Variants in DNM3 observed in about 807,000 individuals in gnomAD.
DNM3 encodes dynamin-3.
DNM3 carries 47 observed loss-of-function variants against 101.6 expected under a neutral mutation model. That is an observed-to-expected ratio of 0.46 (90% CI 0.37 to 0.59). The LOEUF is 0.59. Among genes scored for constraint, DNM3 ranks in the 20% least tolerant of loss-of-function variants. DNM3 has a pLI of 0.00. For missense variants in DNM3, 849 were observed against 1,085.7 expected (o/e 0.78, Z 3.06); for synonymous variants, 385 against 387.9 (o/e 0.99, Z 0.09).
intron 1 of DNM3, among the ~76,000 whole-genome samples, chr1:171,913,920 C>G (rs2039503665): frequency 6.6e-6 from 1 of 151,836 alleles, no homozygotes; most frequent in Non-Finnish European, 1.5e-5. Context: ...TCCCGAGTAG[C>G]TGGGACTACA....
At chr1:172,157,736 T>C (rs950516756) in intron 14 of DNM3, among the ~76,000 whole-genome samples, 1 of 152,112 alleles carries the variant, frequency 6.6e-6, no homozygotes, top group African/African-American at 2.4e-5. Flanking sequence ...ACTTACAATC[T>C]TTAAATAAGA....
Position 171,841,812 on chromosome 1 carries a change from G to T in DNM3, c.156G>T (p.Val52=). Residue 52 remains valine, a synonymous_variant, in exon 1 of 21, where the codon GTG becomes GTT. Transcript: ENST00000627582. ...AGAGCTCGGTGCTCGAGAACTTCGT[G>T]GGCAGGTAAGCGCGCAGGGCGCGGA... ...AGKSSVLENF[V]GRDFLPRGSG... is the part of the protein sequence containing the mutation. The T allele has an allele frequency of 6.2e-7, 1 of 1,608,072 alleles. No homozygotes were observed. The highest frequency in any genetic ancestry group is 8.5e-7 in the Non-Finnish European group (1 of 1,178,722).
chr1:171,935,467 A>G (rs2041335323), intron 2 of DNM3, among the ~76,000 whole-genome samples: 1 of 152,192 alleles, frequency 6.6e-6, no homozygotes, highest in Non-Finnish European at 1.5e-5. Flanking sequence ...TCAGAGAGGG[A>G]CATTTCTGAA....
chr1:172,156,389 G>A (rs1257010975), intron 14 of DNM3, among the ~76,000 whole-genome samples: 1 of 152,112 alleles, frequency 6.6e-6, no homozygotes, highest in African/African-American at 2.4e-5. Flanking sequence ...CTAACAGACT[G>A]TGGACTTACT....
At chr1:172,243,577 C>T (rs1275568760) in intron 14 of DNM3, among the ~76,000 whole-genome samples, 1 of 152,120 alleles carries the variant, frequency 6.6e-6, no homozygotes, top group Non-Finnish European at 1.5e-5. Flanking sequence ...GTGTGTAGCT[C>T]CCTTTCAGGA....
At chr1:172,193,734 A>G (rs538861948) in intron 14 of DNM3, among the ~76,000 whole-genome samples, 25 of 152,052 alleles carry the variant, frequency 1.6e-4, no homozygotes, top group South Asian at 4.2e-4. Context: ...TGTTGCATCT[A>G]TTTGATTCTT....
intron 4 of DNM3, among the ~76,000 whole-genome samples, chr1:172,025,000 C>A (rs2048099388): frequency 6.6e-6 from 1 of 152,208 alleles, no homozygotes. Context: ...GCCAGGTGGT[C>A]TAGCTCAGCG....
At chr1:172,165,580 C>G (rs2058715582) in intron 14 of DNM3, among the ~76,000 whole-genome samples, 1 of 151,976 alleles carries the variant, frequency 6.6e-6, no homozygotes, top group Middle Eastern at 3.2e-3. Context: ...AAACTGGGCT[C>G]CTCCCTGACC....
At chr1:172,379,497 A>G (rs1352976189) in intron 18 of DNM3, among the ~76,000 whole-genome samples, 1 of 152,084 alleles carries the variant, frequency 6.6e-6, no homozygotes, top group East Asian at 1.9e-4. Flanking sequence ...AAAACCAGCA[A>G]AGAAACCAGA....
intron 2 of DNM3, among the ~76,000 whole-genome samples, chr1:171,954,264 A>C (rs2042715606): frequency 6.6e-6 from 1 of 152,160 alleles, no homozygotes; most frequent in African/African-American, 2.4e-5. Flanking sequence ...TCTTTTGCTA[A>C]ATTTGACTGA....
chr1:172,362,560 T>C (rs2067796561), intron 17 of DNM3, among the ~76,000 whole-genome samples: 1 of 151,988 alleles, frequency 6.6e-6, no homozygotes, highest in South Asian at 2.1e-4. Flanking sequence ...GTGTCTTTAG[T>C]CTTTTGCCTT....
chr1:171,876,261 T>C (rs1035317078), intron 1 of DNM3, among the ~76,000 whole-genome samples: 1 of 152,154 alleles, frequency 6.6e-6, no homozygotes, highest in Non-Finnish European at 1.5e-5. Context: ...CTGATAACCA[T>C]TGAAGTGGAA....
At chr1:172,107,681 A>G (rs1432544564) in intron 13 of DNM3, among the ~76,000 whole-genome samples, 1 of 152,218 alleles carries the variant, frequency 6.6e-6, no homozygotes. Context: ...AGTGAAAATC[A>G]GAGTAAATAG....
chr1:172,355,602 T>C (rs903114827), intron 17 of DNM3, among the ~76,000 whole-genome samples: 5 of 152,096 alleles, frequency 3.3e-5, no homozygotes, highest in African/African-American at 1.2e-4. Context: ...CCACCATTGG[T>C]AGTCAATTTT....
At chr1:172,227,304 A>ATATATATATATATATATATATG (rs1215756972) in intron 14 of DNM3, among the ~76,000 whole-genome samples, 5 of 131,550 alleles carry the variant, frequency 3.8e-5, no homozygotes, top group African/African-American at 1.4e-4. Context: ...ATATATATAT[A>ATATATATATATATATATATATG]TCACATTTTC....
chr1:172,183,797 T>TTTTTTAAAAAAGG (rs71107342), intron 14 of DNM3, among the ~76,000 whole-genome samples: 1 of 111,716 alleles, frequency 9.0e-6, no homozygotes, highest in Non-Finnish European at 1.9e-5. Context: ...TTTTTTTTTT[T>TTTTTTAAAAAAGG]GTAGAAACAG....
At chr1:172,032,526 CTTTTTTTTTTTT>C (rs750270768) in intron 5 of DNM3, 26 bp downstream of exon 5, 4,545 of 359,982 alleles carry the variant, frequency 0.013, 112 homozygotes, top group African/African-American at 0.09. Flanking sequence ...CTATACAAGA[CTTTTTTTTTTTT>C]TTTTTTTTTT....
At chr1:172,314,522 T>G (rs558204347) in intron 16 of DNM3, among the ~76,000 whole-genome samples, 1 of 152,204 alleles carries the variant, frequency 6.6e-6, no homozygotes, top group African/African-American at 2.4e-5. Context: ...GAAAATCAGG[T>G]CACTCCCACC....
At chr1:172,220,618 G>A (rs1255819510) in intron 14 of DNM3, among the ~76,000 whole-genome samples, 1 of 152,076 alleles carries the variant, frequency 6.6e-6, no homozygotes, top group Non-Finnish European at 1.5e-5. Context: ...GTCAGAAACA[G>A]CAGTGATTCT....
Sources: gnomAD v4.1 joint callset for allele counts (sites outside exome capture counted in the v4.1 genomes callset) on GRCh38, gnomAD v4.1.1 for gene constraint, MANE v1.5 for transcripts, NCBI Gene and HGNC (gene_info 2026-07-23, HGNC 2026-07-21) for gene names.